The following EBAG9 variants were observed in gnomAD, a reference collection of about 807,000 sequenced individuals.
EBAG9 encodes the protein estrogen receptor binding site associated antigen 9.
A neutral mutation model predicts 30.9 loss-of-function variants in EBAG9; 16 were observed. The observed-to-expected ratio is 0.52, with a 90% confidence interval of 0.35 to 0.79. The LOEUF (loss-of-function observed/expected upper bound fraction) is 0.79. Among genes scored for constraint, EBAG9 ranks in the 30% least tolerant of loss-of-function variants. The pLI is 0.01. For synonymous variants in EBAG9, 93 were observed against 82.8 expected (o/e 1.12, Z -0.67); for missense variants, 197 against 242.1 (o/e 0.81, Z 1.24).
At chr8:109,547,229 T>C (rs1586686976) in intron 1 of EBAG9, among the ~76,000 whole-genome samples, 1 of 152,106 alleles carries the variant, frequency 6.6e-6, no homozygotes, top group Admixed American at 6.5e-5. Context: ...GGTCATATGG[T>C]AGATGTTTGT....
intron 3 of EBAG9, 83 bp downstream of exon 3, chr8:109,554,026 G>A (rs1473037404): frequency 4.6e-5 from 44 of 961,494 alleles, no homozygotes; most frequent in Non-Finnish European, 6.4e-5. Flanking sequence ...TTAAAAACTG[G>A]ATTGCAGATC....
chr8:109,543,135 CTTTTT>C (rs557388998), intron 1 of EBAG9, among the ~76,000 whole-genome samples: 2 of 52,880 alleles, frequency 3.8e-5, no homozygotes, highest in Admixed American at 2.9e-4. Flanking sequence ...TATTCTGGTT[CTTTTT>C]TTTTTTTTTT....
Position 109,555,136 on chromosome 8 carries a change from C to T in EBAG9, c.321+249C>T, listed in dbSNP as rs544034773. On this transcript the variant is annotated intron_variant, in intron 4 of 6. Coordinates refer to ENST00000337573, the MANE Select transcript of EBAG9 (RefSeq NM_004215.5). ...TCCCTAATGCTATCCCTCCCCTCTCCCCCAACCCCACAACAGGCCCCAGTG... is the reference window on the plus strand; with the variant it reads ...TCCCTAATGCTATCCCTCCCCTCTCTCCCAACCCCACAACAGGCCCCAGTG... Among the ~76,000 whole-genome samples, 14 of 152,074 alleles carry T rather than the reference C, an allele frequency of 9.2e-5. No homozygotes were observed. The East Asian group carries it at 2.7e-3, about 29-fold the overall frequency.
At chr8:109,553,783 C>A in intron 2 of EBAG9, 82 bp from the exon 3 acceptor site, 1 of 983,522 alleles carries the variant, frequency 1.0e-6, no homozygotes, top group Non-Finnish European at 1.5e-6. Flanking sequence ...GTTTTATAAG[C>A]CTTCAATTAC....
chr8:109,550,582 A>G lies in EBAG9; in HGVS notation c.-15-228A>G, dbSNP rs1305459693. 1.8e-5 allele frequency: 6 copies of G among 341,638 alleles called. No individual in the cohort carries two copies. The East Asian group carries it at 3.4e-4, about 19-fold the overall frequency. 21.2% of individuals were successfully genotyped at this position (341,638 alleles called of 1,614,324 possible). The stretch of plus-strand genomic sequence containing the variant: ...GATTTAGGTAAAATTATTTTCAAAA[A>G]CTCAGAATGAAGGGTTTTATCCTTA... On this transcript the variant is annotated intron_variant, in intron 1 of 6. Coordinates refer to ENST00000337573, the MANE Select transcript of EBAG9 (RefSeq NM_004215.5).
chr8:109,552,098 ACTTAGAGG>A (rs1201527413), intron 2 of EBAG9, among the ~76,000 whole-genome samples: 2 of 152,020 alleles, frequency 1.3e-5, no homozygotes, highest in Non-Finnish European at 2.9e-5. Flanking sequence ...TATAGACATG[ACTTAGAGG>A]TTACACACAA....
At chr8:109,545,321 CAAAAAAAAAA>C (rs540899914) in intron 1 of EBAG9, among the ~76,000 whole-genome samples, 1 of 37,794 alleles carries the variant, frequency 2.6e-5, no homozygotes, top group African/African-American at 8.9e-5. Context: ...GACTGTGTCT[CAAAAAAAAAA>C]AAAAAAAAAA....
At position 109,554,732 on chromosome 8, in the gene EBAG9, G is replaced by C. The variant is rs1322400072; in HGVS notation, c.166G>C (p.Asp56His). 2 of 1,612,656 alleles carry C rather than the reference G, an allele frequency of 1.2e-6. No individual in the cohort carries two copies. Among genetic ancestry groups the C allele is most frequent in the African/African-American group, 1.3e-5 (1 of 74,852 alleles). Residue 56 changes from aspartate (D) to histidine (H), a missense_variant, in exon 4 of 7, where the codon GAT (aspartate) becomes CAT (histidine). Coordinates refer to ENST00000337573, the MANE Select transcript of EBAG9 (RefSeq NM_004215.5). ...AATGTTGATCAATTAAATTTAGACA[G>C]ATGTTGAAGAGTGGACTTCCTGGGA... ...VDYSSVPKQT[D>H]VEEWTSWDED...
At chr8:109,559,369 G>A (rs1351789514) in intron 5 of EBAG9, among the ~76,000 whole-genome samples, 1 of 152,074 alleles carries the variant, frequency 6.6e-6, no homozygotes, top group Non-Finnish European at 1.5e-5. Context: ...GGGGTAAGAG[G>A]ATTGCTTGAA....
chr8:109,550,587 G>A (rs1225906563), intron 1 of EBAG9: 5 of 353,418 alleles, frequency 1.4e-5, no homozygotes, highest in Non-Finnish European at 2.0e-5. Context: ...CAAAAACTCA[G>A]AATGAAGGGT....
At chr8:109,547,155 C>T (rs547823373) in intron 1 of EBAG9, among the ~76,000 whole-genome samples, 3 of 152,012 alleles carry the variant, frequency 2.0e-5, no homozygotes, top group Non-Finnish European at 2.9e-5. Flanking sequence ...CCTTCAAATA[C>T]AAGTCTTTAT....
At chr8:109,564,364 C>T (rs1423820276) in intron 6 of EBAG9, 75 bp from the exon 7 acceptor site, 7 of 1,554,040 alleles carry the variant, frequency 4.5e-6, no homozygotes, top group Non-Finnish European at 5.2e-6. Flanking sequence ...AAAGGCACTG[C>T]TATTTCTTTC....
At chr8:109,561,038 T>A (rs1345063850) in intron 6 of EBAG9, 109 bp downstream of exon 6, 1 of 870,442 alleles carries the variant, frequency 1.1e-6, no homozygotes, top group African/African-American at 1.7e-5. Context: ...TTTTTCTTCA[T>A]TTGATCCTTA....
chr8:109,543,098 T>C (rs1282233611), intron 1 of EBAG9, among the ~76,000 whole-genome samples: 2 of 150,316 alleles, frequency 1.3e-5, no homozygotes, highest in African/African-American at 4.9e-5. Flanking sequence ...GACAGAAGTA[T>C]TTAAATAACT....
At chr8:109,551,905 A>G (rs1258464291) in intron 2 of EBAG9, among the ~76,000 whole-genome samples, 1 of 152,080 alleles carries the variant, frequency 6.6e-6, no homozygotes, top group African/African-American at 2.4e-5. Context: ...TTAAATGTGT[A>G]TTTTTTACAA....
At chr8:109,544,322 A>C (rs1241870153) in intron 1 of EBAG9, among the ~76,000 whole-genome samples, 1 of 152,186 alleles carries the variant, frequency 6.6e-6, no homozygotes, top group East Asian at 1.9e-4. Flanking sequence ...AAAACTATCA[A>C]ATTACTGTAT....
intron 2 of EBAG9, among the ~76,000 whole-genome samples, chr8:109,552,862 G>A (rs1051326634): frequency 6.6e-5 from 10 of 152,120 alleles, no homozygotes; most frequent in African/African-American, 2.2e-4. Context: ...TTGGGAGGCC[G>A]AGGGGGTAGG....
intron 1 of EBAG9, among the ~76,000 whole-genome samples, chr8:109,547,425 T>G (rs548314599): frequency 4.2e-4 from 64 of 152,312 alleles, no homozygotes; most frequent in Admixed American, 1.0e-3. Flanking sequence ...ATTTGCATTT[T>G]TCTAATGATT....
chr8:109,563,468 T>C, intron 6 of EBAG9: 1 of 1,597,632 alleles, frequency 6.3e-7, no homozygotes, highest in Non-Finnish European at 8.5e-7. Flanking sequence ...ACTCCCTACA[T>C]TAACCAATCA....
Sources: gnomAD v4.1 joint callset for allele counts (sites outside exome capture counted in the v4.1 genomes callset) on GRCh38, gnomAD v4.1.1 for gene constraint, MANE v1.5 for transcripts, NCBI Gene and HGNC (gene_info 2026-07-23, HGNC 2026-07-21) for gene names.